The following LAMA1 variants were observed in gnomAD, a reference collection of about 807,000 sequenced individuals.
LAMA1 encodes the protein laminin subunit alpha-1.
LAMA1 carries 219 observed loss-of-function variants against 348.7 expected under a neutral mutation model. The ratio of observed to expected loss-of-function variants is 0.63; its 90% confidence interval spans 0.56 to 0.70. The LOEUF is 0.70. Among genes scored for constraint, LAMA1 ranks in the 30% least tolerant of loss-of-function variants. The pLI is 0.00. For synonymous variants in LAMA1, 1,487 were observed against 1,491.0 expected, an observed-to-expected ratio of 1.00 and a Z score of 0.06; for missense variants, 3,744 against 3,888.0, an observed-to-expected ratio of 0.96 and a Z score of 0.99.
Position 6,956,671 on chromosome 18 carries a change from C to A in LAMA1, c.8059G>T (p.Asp2687Tyr), listed in dbSNP as rs1300249960. ...CGGGGCTCTGGCAAGAGCTTGCTGT[C>A]CTCTGCATCGGGAGCCAGCTTAGGC... ...ERPKLAPDAE[D>Y]SKLLPEPRAF... Residue 2687 changes from aspartate to tyrosine, a missense_variant, in exon 56 of 63, where the codon GAC becomes TAC. This residue lies in a region of LAMA1 where 1,983 missense variants were observed against 1,934.3 expected (regional missense o/e 1.03). Transcript: ENST00000389658. 3.1e-6 allele frequency: 5 copies of A among 1,614,208 alleles called. No individual in the cohort carries two copies. Among genetic ancestry groups the A allele is most frequent in the Non-Finnish European group, 3.4e-6 (4 of 1,180,054 alleles).
Position 7,050,820 on chromosome 18 carries a change from G to C in LAMA1, c.462C>G (p.Val154=), listed in dbSNP as rs149932824. 35 of 1,614,012 alleles carry C rather than the reference G, an allele frequency of 2.2e-5. No individual in the cohort carries two copies. In the African/African-American group the frequency reaches 3.9e-4, roughly 18 times the overall value. The change falls in exon 4 of 63, where the codon GTC becomes GTG. Residue 154 remains valine, a synonymous_variant. Transcript: ENST00000389658. ...TTFSPWQYYA[V]SDSECLSRYN... is the part of the protein sequence containing the mutation. ...AACGAGACAAACACTCTGAGTCGCT[G>C]ACTGCATAATACTGCCAGGGGCTGA...
intron 3 of LAMA1, among the ~76,000 whole-genome samples, chr18:7,064,801 C>T (rs1218645175): frequency 6.6e-6 from 1 of 152,094 alleles, no homozygotes; most frequent in African/African-American, 2.4e-5. Context: ...GATTACATAC[C>T]ATTAAATAGT....
At chr18:7,027,982 A>G (rs1199132749) in intron 16 of LAMA1, among the ~76,000 whole-genome samples, 4 of 152,122 alleles carry the variant, frequency 2.6e-5, no homozygotes, top group Non-Finnish European at 5.9e-5. Flanking sequence ...ATGCTCAAAG[A>G]CTTGAAGGAA....
At chr18:6,985,883 C>T (rs917489425) in intron 37 of LAMA1, among the ~76,000 whole-genome samples, 55 of 152,254 alleles carry the variant, frequency 3.6e-4, no homozygotes, top group African/African-American at 1.3e-3. Flanking sequence ...CTCAGCCTCC[C>T]GAGTAGCTGG....
In LAMA1 at chr18:7,026,240, T is replaced by C. The variant is rs1028898695; in HGVS notation, c.2275-134A>G. On this transcript the variant is annotated intron_variant, in intron 16 of 62. Transcript: ENST00000389658. Reference sequence around the variant, plus strand: ...ACCAGTCACCAACCTCTGAGCTATATGAGGAAGGCCTCCTGTTTTCAGATT... The same window carrying C: ...ACCAGTCACCAACCTCTGAGCTATACGAGGAAGGCCTCCTGTTTTCAGATT... 62 of 988,336 alleles carry C rather than the reference T, an allele frequency of 6.3e-5. No homozygotes were observed. The East Asian group carries it at 1.3e-3, about 21-fold the overall frequency. The allele number at this position is 988,336 out of a possible 1,614,324, so 61.2% of individuals were successfully genotyped here.
In LAMA1 at chr18:6,961,908, G is replaced by A. The variant is rs375636442; in HGVS notation, c.7452+37C>T. ...TGTTGATAAATCAATGGACACTTAT[G>A]GAAACTCATTTGAACATTAATAACA... On this transcript the variant is annotated intron_variant, in intron 52 of 62. Coordinates refer to ENST00000389658, the MANE Select transcript of LAMA1 (RefSeq NM_005559.4). 1.4e-5 allele frequency: 22 copies of A among 1,581,784 alleles called. No homozygotes were observed. The African/African-American group carries it at 2.0e-4, about 15-fold the overall frequency.
At chr18:6,995,523 T>A in intron 33 of LAMA1, 77 bp from the exon 34 acceptor site, 4 of 806,972 alleles carry the variant, frequency 5.0e-6, no homozygotes, top group East Asian at 2.5e-5. Context: ...GCACTTGCAT[T>A]TCTTTTTTGT....
Position 7,117,768 on chromosome 18 carries a change from C to T in LAMA1, c.-48G>A, listed in dbSNP as rs764494942. The T allele has an allele frequency of 1.3e-6, 2 of 1,541,968 alleles. No homozygotes were observed. Among genetic ancestry groups the T allele is most frequent in the Non-Finnish European group, 1.8e-6 (2 of 1,139,234 alleles). ...GGGTCTGGGGAGAAAGCCGCGCGCC[C>T]GCCTGGAACGCTCCACGGGACGCGA... On this transcript the variant is annotated 5_prime_UTR_variant, in exon 1 of 63. Coordinates refer to ENST00000389658, the MANE Select transcript of LAMA1 (RefSeq NM_005559.4).
At chr18:7,099,197 C>T (rs1459062758) in intron 1 of LAMA1, among the ~76,000 whole-genome samples, 39 of 151,276 alleles carry the variant, frequency 2.6e-4, no homozygotes, top group East Asian at 3.9e-4. Context: ...GAAACATGTG[C>T]TGTGTCCACT....
chr18:7,003,006 G>A (rs554141726), intron 29 of LAMA1, among the ~76,000 whole-genome samples: 1 of 151,430 alleles, frequency 6.6e-6, no homozygotes, highest in Non-Finnish European at 1.5e-5. Flanking sequence ...TCAGCCTCTC[G>A]AGTAGCTGGG....
At position 7,080,273 on chromosome 18, in the gene LAMA1, G is replaced by A. The variant is rs1423889686; in HGVS notation, c.232+14C>T. Reference sequence around the variant, plus strand: ...TTCCCATGGGAATTTCAGAAATAAAGGCGCGACACTTGCCTCTGGGGTTTG... The same window carrying A: ...TTCCCATGGGAATTTCAGAAATAAAAGCGCGACACTTGCCTCTGGGGTTTG... On this transcript the variant is annotated intron_variant, in intron 2 of 62. Transcript: ENST00000389658. 2 of 1,613,906 alleles carry A rather than the reference G, an allele frequency of 1.2e-6. No individual in the cohort carries two copies. The highest frequency in any genetic ancestry group is 1.1e-5 in the South Asian group (1 of 91,068).
chr18:7,105,361 C>T (rs1263116157), intron 1 of LAMA1, among the ~76,000 whole-genome samples: 2 of 152,056 alleles, frequency 1.3e-5, no homozygotes, highest in African/African-American at 4.8e-5. Context: ...ATTGCTTGAA[C>T]CCGGGAGGCG....
chr18:7,019,242 G>A (rs2057904298), intron 19 of LAMA1, among the ~76,000 whole-genome samples: 1 of 151,972 alleles, frequency 6.6e-6, no homozygotes, highest in Non-Finnish European at 1.5e-5. Flanking sequence ...GCAGACTTCG[G>A]TCCCCCTCTT....
intron 1 of LAMA1, among the ~76,000 whole-genome samples, chr18:7,080,893 T>C (rs910562078): frequency 2.0e-5 from 3 of 152,188 alleles, no homozygotes; most frequent in African/African-American, 7.2e-5. Flanking sequence ...CCAATGTACA[T>C]GCGGAAATGT....
At position 7,049,682 on chromosome 18, in the gene LAMA1, T is replaced by A. The variant is rs562650581; in HGVS notation, c.589-425A>T. ...AATCTTTTAGAGATACCATCTAAAA[T>A]CAAAACAAAACAACTAGCTTCTTGT... On this transcript the variant is annotated intron_variant, in intron 4 of 62. Transcript: ENST00000389658. Among the ~76,000 whole-genome samples the A allele has an allele frequency of 4.4e-3, 667 of 152,300 alleles. 3 individuals are homozygous for A. The highest frequency in any genetic ancestry group is 8.2e-3 in the Non-Finnish European group (560 of 68,018).
intron 19 of LAMA1, among the ~76,000 whole-genome samples, chr18:7,021,408 A>G (rs1010445990): frequency 6.6e-6 from 1 of 152,216 alleles, no homozygotes; most frequent in South Asian, 2.1e-4. Context: ...GTGGATGCCA[A>G]TATTAAAGAA....
At chr18:6,948,292 G>T in intron 60 of LAMA1, 111 bp downstream of exon 60, 2 of 1,401,104 alleles carry the variant, frequency 1.4e-6, no homozygotes, top group Non-Finnish European at 2.0e-6. Context: ...AACTCAATGT[G>T]GTTTTCCTGC....
chr18:7,087,513 G>A (rs950047092), intron 1 of LAMA1, among the ~76,000 whole-genome samples: 3 of 152,236 alleles, frequency 2.0e-5, no homozygotes, highest in Admixed American at 6.5e-5. Flanking sequence ...TCCTCAGGAT[G>A]TGAGTAAACC....
rs61608269 is a variant in LAMA1, at chr18:6,959,330, C to G, written c.7778+11G>C. On this transcript the variant is annotated intron_variant, in intron 54 of 62. Transcript: ENST00000389658. Reference sequence around the variant, plus strand: ...ACCTTCATTACACACTGCCTGGCCGCGTGCAAGTACCTCCGATTCCTGACC... The same window carrying G: ...ACCTTCATTACACACTGCCTGGCCGGGTGCAAGTACCTCCGATTCCTGACC... The G allele has an allele frequency of 6.2e-7, 1 of 1,614,010 alleles. No homozygotes were observed. The highest frequency in any genetic ancestry group is 8.5e-7 in the Non-Finnish European group (1 of 1,179,996).
Sources: allele counts gnomAD v4.1 joint callset (sites outside exome capture counted in the v4.1 genomes callset), GRCh38; gene constraint gnomAD v4.1.1; regional missense constraint gnomAD v4.1.1; transcripts MANE v1.5; gene names NCBI Gene and HGNC (gene_info 2026-07-23, HGNC 2026-07-21).